ZNF490: variants seen among roughly 807,000 people sequenced by gnomAD.
The protein encoded by ZNF490 is zinc finger protein 490.
Under a neutral mutation model 17.7 loss-of-function variants are expected in ZNF490, and 11 were observed. That is an observed-to-expected ratio of 0.62 (90% CI 0.39 to 1.03). The LOEUF (loss-of-function observed/expected upper bound fraction) is 1.03. ZNF490 is among the 50% of genes least tolerant of loss of function. The pLI is 0.00. For missense variants in ZNF490, 542 were observed against 643.4 expected, an observed-to-expected ratio of 0.84 and a Z score of 1.71; for synonymous variants, 222 against 216.1, an observed-to-expected ratio of 1.03 and a Z score of -0.24.
In ZNF490 at chr19:12,602,123, CACACAT is replaced by C. The variant is rs1222074052; in HGVS notation, c.162+7029_162+7034del. Among the ~76,000 whole-genome samples the C allele has an allele frequency of 1.2e-3, 177 of 148,344 alleles. 1 individual carries two copies. Among genetic ancestry groups the C allele is most frequent in the Middle Eastern group, 6.9e-3 (2 of 288 alleles). On this transcript the variant is annotated intron_variant, in intron 2 of 4. Transcript: ENST00000311437. ...ACACACACACACACACACACACACA[CACACAT>C]ATATGGGCCTATTTCTGGAATTTCA...
At chr19:12,602,703 C>T (rs2023022499) in intron 2 of ZNF490, among the ~76,000 whole-genome samples, 1 of 151,058 alleles carries the variant, frequency 6.6e-6, no homozygotes, top group South Asian at 2.1e-4. Flanking sequence ...CGGCTTACTG[C>T]AGCCTTGACC....
intron 2 of ZNF490, among the ~76,000 whole-genome samples, chr19:12,583,791 C>CTCTCTCTATA (rs1315571249): frequency 2.9e-5 from 2 of 68,140 alleles, no homozygotes; most frequent in African/African-American, 1.4e-4. Flanking sequence ...CTCTCTCTCT[C>CTCTCTCTATA]TATATATATA....
intron 2 of ZNF490, among the ~76,000 whole-genome samples, chr19:12,596,397 ACAAGGGC>A (rs2022934383): frequency 6.6e-6 from 1 of 152,202 alleles, no homozygotes; most frequent in Non-Finnish European, 1.5e-5. Flanking sequence ...AAATACATTC[ACAAGGGC>A]CAGGCATGGT....
chr19:12,607,942 A>G (rs922427394), intron 2 of ZNF490, among the ~76,000 whole-genome samples: 1 of 152,148 alleles, frequency 6.6e-6, no homozygotes, highest in African/African-American at 2.4e-5. Flanking sequence ...CTGGCCAGAA[A>G]AGCCACATTG....
At position 12,578,246 on chromosome 19, in the gene ZNF490, G is replaced by C; in HGVS notation, c.*2239C>G. On this transcript the variant is annotated 3_prime_UTR_variant, in exon 5 of 5. Coordinates refer to ENST00000311437, the MANE Select transcript of ZNF490 (RefSeq NM_020714.3). ...CAGGGTAGAATGTGCCAGAAAACAG[G>C]GAAAGCAAGTTAGGGGAGGTAAGAA... The C allele has an allele frequency of 1.0e-6, 1 of 985,572 alleles. No individual in the cohort carries two copies. Among genetic ancestry groups the C allele is most frequent in the Non-Finnish European group, 1.2e-6 (1 of 830,052 alleles). The allele number at this position is 985,572 out of a possible 1,614,324, so 61.1% of individuals were successfully genotyped here.
At chr19:12,610,260 A>C (rs2023130277) in intron 1 of ZNF490, among the ~76,000 whole-genome samples, 1 of 150,776 alleles carries the variant, frequency 6.6e-6, no homozygotes, top group East Asian at 2.0e-4. Flanking sequence ...ACTGAACTCA[A>C]ACTCCTGGAG....
intron 2 of ZNF490, among the ~76,000 whole-genome samples, chr19:12,591,810 C>T (rs928382582): frequency 1.3e-5 from 2 of 150,526 alleles, no homozygotes; most frequent in Non-Finnish European, 1.5e-5. Context: ...ATGATACTCC[C>T]ACTTTGAAAG....
Position 12,583,429 on chromosome 19 carries a change from C to G in ZNF490, c.289+1G>C, listed in dbSNP as rs1259988274. The G allele has an allele frequency of 6.3e-7, 1 of 1,596,954 alleles. No homozygotes were observed. Among genetic ancestry groups the G allele is most frequent in the South Asian group, 1.1e-5 (1 of 90,516 alleles). On this transcript the variant is annotated splice_donor_variant, in intron 3 of 4. Transcript: ENST00000311437. LOFTEE classifies it high-confidence loss of function. ...AAGTAGAGAAATTATGTCACCCTTA[C>G]CTATACAGGCCAGGTTCTTGAAGGT...
chr19:12,583,038 T>G (rs1164935261), intron 3 of ZNF490, 128 bp from the exon 4 acceptor site: 139 of 792,986 alleles, frequency 1.8e-4, no homozygotes, highest in Middle Eastern at 3.9e-4. Context: ...AAGTATTCTC[T>G]TCCCACATTT....
intron 2 of ZNF490, among the ~76,000 whole-genome samples, chr19:12,602,127 C>CACGCACACACAT (rs35798638): frequency 7.0e-6 from 1 of 141,898 alleles, no homozygotes; most frequent in Non-Finnish European, 1.5e-5. Context: ...CACACACACA[C>CACGCACACACAT]ATATATGGGC....
chr19:12,598,213 ACT>A (rs2022958472), intron 2 of ZNF490, among the ~76,000 whole-genome samples: 1 of 146,494 alleles, frequency 6.8e-6, no homozygotes, highest in East Asian at 2.0e-4. Flanking sequence ...GCAGAGCGAG[ACT>A]CTGTCTCAAA....
chr19:12,609,310 C>A, intron 1 of ZNF490, 108 bp from the exon 2 acceptor site: 2 of 859,556 alleles, frequency 2.3e-6, no homozygotes, highest in East Asian at 2.6e-5. Context: ...CCTGTACACA[C>A]AGAGCTACCA....
chr19:12,597,533 T>C (rs2022949509), intron 2 of ZNF490, among the ~76,000 whole-genome samples: 1 of 152,178 alleles, frequency 6.6e-6, no homozygotes, highest in African/African-American at 2.4e-5. Flanking sequence ...TGTAGTTACA[T>C]TGTGAAACCA....
At chr19:12,604,701 G>A (rs531882587) in intron 2 of ZNF490, among the ~76,000 whole-genome samples, 87 of 150,654 alleles carry the variant, frequency 5.8e-4, no homozygotes, top group African/African-American at 2.0e-3. Flanking sequence ...GTGGGCGCCT[G>A]TAATCCCAGC....
At chr19:12,589,120 G>A (rs1213796365) in intron 2 of ZNF490, among the ~76,000 whole-genome samples, 2 of 152,118 alleles carry the variant, frequency 1.3e-5, no homozygotes, top group Non-Finnish European at 2.9e-5. Flanking sequence ...TCAGGACTTC[G>A]AGACCAGCCT....
intron 2 of ZNF490, among the ~76,000 whole-genome samples, chr19:12,591,764 A>AT (rs2022874644): frequency 6.6e-6 from 1 of 152,066 alleles, no homozygotes; most frequent in Non-Finnish European, 1.5e-5. Flanking sequence ...ATGGAGAACA[A>AT]TAAGTATCAT....
At chr19:12,607,767 G>A (rs537510876) in intron 2 of ZNF490, among the ~76,000 whole-genome samples, 11 of 151,468 alleles carry the variant, frequency 7.3e-5, no homozygotes, top group African/African-American at 2.7e-4. Context: ...AACAAGAACA[G>A]CATAGCATCT....
At chr19:12,598,411 G>T (rs1599311072) in intron 2 of ZNF490, among the ~76,000 whole-genome samples, 1 of 150,880 alleles carries the variant, frequency 6.6e-6, no homozygotes, top group Admixed American at 6.6e-5. Context: ...TTTCTCTCTT[G>T]TTGCCCAGGC....
At chr19:12,583,881 G>A (rs1410874993) in intron 2 of ZNF490, among the ~76,000 whole-genome samples, 3 of 143,552 alleles carry the variant, frequency 2.1e-5, no homozygotes, top group African/African-American at 5.2e-5. Flanking sequence ...CACAATGTCG[G>A]CTCACTGAAA....
Sources: gnomAD v4.1 joint callset for allele counts (sites outside exome capture counted in the v4.1 genomes callset) on GRCh38, gnomAD v4.1.1 for gene constraint, MANE v1.5 for transcripts, NCBI Gene and HGNC (gene_info 2026-07-23, HGNC 2026-07-21) for gene names.